GPC3: variants seen among roughly 807,000 people sequenced by gnomAD.
GPC3 encodes the protein glypican 3.
GPC3 carries 3 observed loss-of-function variants against 34.4 expected under a neutral mutation model. That is an observed-to-expected ratio of 0.09 (90% CI 0.04 to 0.23). The LOEUF is 0.23. Ranked by LOEUF, GPC3 falls within the 10% of genes least tolerant of loss-of-function variation. The probability of loss-of-function intolerance (pLI) is 1.00; values close to 1 mark genes in which losing one functional copy is unlikely to be tolerated. For synonymous variants in GPC3, 177 were observed against 174.0 expected (o/e 1.02, Z -0.13); for missense variants, 351 against 445.6 (o/e 0.79, Z 1.91).
chrX:133,567,337 A>C (rs1043316395), intron 7 of GPC3, among the ~76,000 whole-genome samples: 11 of 112,498 alleles, frequency 9.8e-5, no homozygotes, highest in African/African-American at 2.6e-4. Context: ...AGCAACAACA[A>C]CACAGAGTAA....
In GPC3 at chrX:133,754,149, G is replaced by A. The variant is rs779679730; in HGVS notation, c.365C>T (p.Ala122Val). The A allele has an allele frequency of 1.7e-5, 20 of 1,192,763 alleles. No homozygotes were observed. The Admixed American group carries it at 4.3e-4, about 25-fold the overall frequency. The part of the protein sequence containing the change: ...QEAFEIVVRH[A>V]KNYTNAMFKN... ...GAACATGGCATTGGTGTAGTTCTTG[G>A]CATGGCGAACAACAATTTCAAAGGC... is the stretch of plus-strand genomic sequence containing the variant. Residue 122 changes from alanine (A) to valine (V), a missense_variant, in exon 3 of 8, where the codon GCC (alanine) becomes GTC (valine). By Grantham distance (64) the Ala-to-Val change is moderately conservative (BLOSUM62 0). Transcript: ENST00000370818.
At chrX:133,555,468 T>C (rs1333210375) in intron 7 of GPC3, among the ~76,000 whole-genome samples, 1 of 112,270 alleles carries the variant, frequency 8.9e-6, no homozygotes, top group Non-Finnish European at 1.9e-5. Flanking sequence ...CTCAGACATC[T>C]TTCTGAAGAT....
At chrX:133,812,845 C>G (rs868514374) in intron 2 of GPC3, among the ~76,000 whole-genome samples, 6 of 111,887 alleles carry the variant, frequency 5.4e-5, no homozygotes, top group Middle Eastern at 4.6e-3. Flanking sequence ...ACCAGACAAT[C>G]CAGAAAACAA....
At chrX:133,921,794 C>T (rs1335006374) in intron 2 of GPC3, among the ~76,000 whole-genome samples, 5 of 112,141 alleles carry the variant, frequency 4.5e-5, no homozygotes, top group East Asian at 5.6e-4. Context: ...CCTGCCTACC[C>T]TGATATGTTG....
intron 3 of GPC3, among the ~76,000 whole-genome samples, chrX:133,746,105 C>T (rs1467267765): frequency 8.9e-6 from 1 of 112,369 alleles, no homozygotes; most frequent in Non-Finnish European, 1.9e-5. Context: ...AATGCTAATA[C>T]TCTGGCTGCT....
At chrX:133,549,821 C>T (rs2069417645) in intron 7 of GPC3, among the ~76,000 whole-genome samples, 1 of 96,393 alleles carries the variant, frequency 1.0e-5, no homozygotes, top group South Asian at 6.0e-4. Context: ...CCCTCCCTCT[C>T]TCTCCCTCCC....
intron 2 of GPC3, among the ~76,000 whole-genome samples, chrX:133,894,795 G>A (rs770369484): frequency 3.6e-5 from 4 of 111,916 alleles, no homozygotes; most frequent in African/African-American, 9.7e-5. Flanking sequence ...AACTGAGATC[G>A]TGCCACAGCA....
At chrX:133,921,158 T>A (rs1054680295) in intron 2 of GPC3, among the ~76,000 whole-genome samples, 1 of 112,169 alleles carries the variant, frequency 8.9e-6, no homozygotes, top group African/African-American at 3.2e-5. Context: ...TTAGAATAAG[T>A]CAGAATATTC....
At chrX:133,842,722 ATTG>A (rs2075831232) in intron 2 of GPC3, among the ~76,000 whole-genome samples, 1 of 110,801 alleles carries the variant, frequency 9.0e-6, no homozygotes, top group Non-Finnish European at 1.9e-5. Flanking sequence ...AGCTTCTGTT[ATTG>A]TTGTTGTTAT....
chrX:133,803,457 G>A (rs1352069539), intron 2 of GPC3, among the ~76,000 whole-genome samples: 2 of 111,853 alleles, frequency 1.8e-5, no homozygotes, highest in African/African-American at 6.5e-5. Context: ...AAAGGATTCG[G>A]ACTCTTTGAG....
intron 1 of GPC3, among the ~76,000 whole-genome samples, chrX:133,979,173 A>G (rs962512615): frequency 3.6e-5 from 4 of 111,809 alleles, no homozygotes; most frequent in Non-Finnish European, 7.5e-5. Context: ...CCTATCAATT[A>G]TTTATCAACA....
intron 2 of GPC3, among the ~76,000 whole-genome samples, chrX:133,868,753 C>T (rs776631463): frequency 9.0e-6 from 1 of 111,261 alleles, no homozygotes; most frequent in African/African-American, 3.3e-5. Context: ...CAAGTCAACC[C>T]TCACTTTCTC....
chrX:133,559,316 C>CA (rs1176190184), intron 7 of GPC3, among the ~76,000 whole-genome samples: 1 of 109,241 alleles, frequency 9.2e-6, no homozygotes, highest in Non-Finnish European at 1.9e-5. Flanking sequence ...AGGGGCTCTC[C>CA]ATCTAGCAGG....
intron 1 of GPC3, among the ~76,000 whole-genome samples, chrX:133,982,549 C>G (rs1305923627): frequency 8.9e-6 from 1 of 112,074 alleles, no homozygotes; most frequent in African/African-American, 3.2e-5. Flanking sequence ...GCTGGCTGAT[C>G]TCAAATGCCA....
At chrX:133,828,059 C>T (rs1002616792) in intron 2 of GPC3, among the ~76,000 whole-genome samples, 1 of 109,467 alleles carries the variant, frequency 9.1e-6, no homozygotes, top group African/African-American at 3.3e-5. Context: ...GTAGTGCTGA[C>T]AGCAAGCATT....
At chrX:133,607,090 C>A (rs2070058123) in intron 6 of GPC3, among the ~76,000 whole-genome samples, 1 of 110,771 alleles carries the variant, frequency 9.0e-6, no homozygotes, top group South Asian at 3.9e-4. Flanking sequence ...TGTATCTGTT[C>A]TCTTAGTTGA....
intron 3 of GPC3, among the ~76,000 whole-genome samples, chrX:133,713,459 C>A (rs1021922490): frequency 4.5e-5 from 5 of 112,065 alleles, no homozygotes; most frequent in African/African-American, 1.6e-4. Context: ...TTCATCAAAT[C>A]TTCACCCTTG....
chrX:133,541,733 G>A (rs1293328001), intron 7 of GPC3, among the ~76,000 whole-genome samples: 1 of 111,615 alleles, frequency 9.0e-6, no homozygotes, highest in African/African-American at 3.3e-5. Flanking sequence ...TAAATAGAGA[G>A]CCCTCCATCT....
At chrX:133,600,669 A>C (rs1258281491) in intron 6 of GPC3, among the ~76,000 whole-genome samples, 6 of 111,643 alleles carry the variant, frequency 5.4e-5, no homozygotes, top group African/African-American at 2.0e-4. Flanking sequence ...TGTTGAAAGA[A>C]GGGTAATGGG....
Sources: gnomAD v4.1 joint callset for allele counts (sites outside exome capture counted in the v4.1 genomes callset) on GRCh38, gnomAD v4.1.1 for gene constraint, MANE v1.5 for transcripts, NCBI Gene and HGNC (gene_info 2026-07-23, HGNC 2026-07-21) for gene names.